Variants in PTPRD observed in about 807,000 individuals in gnomAD.
PTPRD encodes receptor-type tyrosine-protein phosphatase delta.
Under a neutral mutation model 214.5 loss-of-function variants are expected in PTPRD, and 34 were observed. The observed-to-expected ratio is 0.16, with a 90% CI of 0.12 to 0.21. The LOEUF (loss-of-function observed/expected upper bound fraction) is 0.21, where lower values mean the gene tolerates loss of function less well. Ranked by LOEUF, PTPRD falls within the 10% of genes least tolerant of loss-of-function variation. The pLI is 1.00. For synonymous variants in PTPRD, 1,128 were observed against 845.7 expected (o/e 1.33, Z -5.79); for missense variants, 2,545 against 2,398.7 (o/e 1.06, Z -1.27).
At chr9:9,372,998 T>A (rs764630818) in intron 9 of PTPRD, among the ~76,000 whole-genome samples, 6 of 152,118 alleles carry the variant, frequency 3.9e-5, no homozygotes, top group Non-Finnish European at 8.8e-5. Flanking sequence ...TCACAAAATA[T>A]GAAGACTTTC....
At chr9:8,353,624 G>A (rs150490269) in intron 39 of PTPRD, among the ~76,000 whole-genome samples, 5,093 of 151,750 alleles carry the variant, frequency 0.034, 316 homozygotes, top group African/African-American at 0.12. Flanking sequence ...AGTAGAGATG[G>A]GGTTTCACTA....
intron 9 of PTPRD, among the ~76,000 whole-genome samples, chr9:9,278,240 G>A (rs1010869107): frequency 6.6e-6 from 1 of 151,166 alleles, no homozygotes; most frequent in Non-Finnish European, 1.5e-5. Context: ...CAGAAATCTT[G>A]CAATTAGGTA....
chr9:10,012,746 GA>G (rs1192734947), intron 4 of PTPRD, among the ~76,000 whole-genome samples: 2 of 151,804 alleles, frequency 1.3e-5, no homozygotes, highest in Non-Finnish European at 2.9e-5. Flanking sequence ...TAGAAAAAAG[GA>G]AAACCCCGAG....
At position 8,708,089 on chromosome 9, in the gene PTPRD, AAGGG is replaced by A. The variant is rs550534545; in HGVS notation, c.64+25687_64+25690del. On this transcript the variant is annotated intron_variant, in intron 12 of 45. Transcript: ENST00000381196. ...TGCCTTCTAAGGCACCTCTGAAATA[AAGGG>A]GAAATCTCAATCCAACAAAAATGGA... Among the ~76,000 whole-genome samples the A allele has an allele frequency of 2.9e-3, 441 of 152,348 alleles. 2 individuals carry two copies. Among genetic ancestry groups the A allele is most frequent in the Admixed American group, 6.6e-3 (101 of 15,302 alleles).
chr9:10,353,172 C>G (rs2097210862), intron 2 of PTPRD, among the ~76,000 whole-genome samples: 1 of 151,990 alleles, frequency 6.6e-6, no homozygotes, highest in East Asian at 1.9e-4. Context: ...TAAATCACAA[C>G]TTTATATTTG....
intron 8 of PTPRD, among the ~76,000 whole-genome samples, chr9:9,462,102 T>C (rs1325636870): frequency 6.6e-6 from 1 of 152,166 alleles, no homozygotes; most frequent in Non-Finnish European, 1.5e-5. Context: ...ATATGTGATA[T>C]ATTGATCTGC....
intron 9 of PTPRD, among the ~76,000 whole-genome samples, chr9:9,385,215 T>C (rs574169011): frequency 2.6e-5 from 4 of 152,248 alleles, no homozygotes; most frequent in Non-Finnish European, 4.4e-5. Context: ...AATTTGGCAT[T>C]TTCACCTATA....
At chr9:10,243,111 A>C (rs912026360) in intron 3 of PTPRD, among the ~76,000 whole-genome samples, 3 of 152,032 alleles carry the variant, frequency 2.0e-5, no homozygotes, top group African/African-American at 7.2e-5. Context: ...TGGACAATTT[A>C]ACTGATCCCT....
intron 2 of PTPRD, among the ~76,000 whole-genome samples, chr9:10,554,152 C>T (rs1051792917): frequency 3.0e-4 from 45 of 152,274 alleles, no homozygotes; most frequent in African/African-American, 1.0e-3. Context: ...TAGTGTATAA[C>T]TCAACCCTTT....
chr9:10,543,477 T>TACACAC (rs370246328), intron 2 of PTPRD, among the ~76,000 whole-genome samples: 2,315 of 141,304 alleles, frequency 0.016, 22 homozygotes, highest in South Asian at 0.035. Context: ...AATATATATA[T>TACACAC]ATACACACAC....
At chr9:8,380,534 T>C (rs7045817) in intron 37 of PTPRD, among the ~76,000 whole-genome samples, 23,602 of 152,186 alleles carry the variant, frequency 0.16, 3,070 homozygotes, top group African/African-American at 0.36. Flanking sequence ...ACAAAGTTAT[T>C]ACCCTTAAGT....
intron 25 of PTPRD, among the ~76,000 whole-genome samples, chr9:8,498,148 C>G (rs928707618): frequency 1.3e-5 from 2 of 152,148 alleles, no homozygotes; most frequent in Non-Finnish European, 2.9e-5. Flanking sequence ...ATCCAGATCC[C>G]TTTACTTAGA....
rs541291496 is a variant in PTPRD at position 9,950,254 on chromosome 9, G to A, written c.-471-11644C>T. 3.2e-4 allele frequency among the ~76,000 whole-genome samples: 49 copies of A among 152,300 alleles called. 1 individual carries two copies. The highest frequency in any genetic ancestry group is 5.9e-4 in the Admixed American group (9 of 15,302). On this transcript the variant is annotated intron_variant, in intron 4 of 45. Coordinates refer to ENST00000381196, the MANE Select transcript of PTPRD (RefSeq NM_002839.4). ...CTCTGGGACTTCCATGTGACATCCA[G>A]ATGGGGATGCTGTGAATTCTTGTTT...
At chr9:9,183,654 C>G (rs2099929573) in intron 9 of PTPRD, among the ~76,000 whole-genome samples, 2 of 152,126 alleles carry the variant, frequency 1.3e-5, no homozygotes, top group African/African-American at 4.8e-5. Flanking sequence ...CATAAAATGG[C>G]TAAATTGCCT....
At chr9:10,465,872 G>C (rs1231140515) in intron 2 of PTPRD, among the ~76,000 whole-genome samples, 3 of 152,158 alleles carry the variant, frequency 2.0e-5, no homozygotes, top group Non-Finnish European at 4.4e-5. Context: ...TGTTTATACA[G>C]ATCCTAAATA....
rs537948307 is a variant in PTPRD at position 9,638,380 on chromosome 9, T to C, written c.-286-63599A>G. Among the ~76,000 whole-genome samples the C allele has an allele frequency of 1.3e-3, 194 of 152,340 alleles. 2 individuals are homozygous for C. The highest frequency in any genetic ancestry group is 8.5e-4 in the Non-Finnish European group (58 of 68,020). On this transcript the variant is annotated intron_variant, in intron 7 of 45. Coordinates refer to ENST00000381196, the MANE Select transcript of PTPRD (RefSeq NM_002839.4). ...CTGCCTTCCACAAAGTCCTAGGGCA[T>C]GGATATAATTCATCAAAGTTCTTTG...
intron 5 of PTPRD, among the ~76,000 whole-genome samples, chr9:9,799,150 G>A (rs1340612183): frequency 6.6e-6 from 1 of 152,062 alleles, no homozygotes; most frequent in African/African-American, 2.4e-5. Context: ...AAAAATAAAT[G>A]CAATTAACTT....
intron 8 of PTPRD, among the ~76,000 whole-genome samples, chr9:9,569,069 T>G (rs2085502761): frequency 6.6e-6 from 1 of 151,772 alleles, no homozygotes; most frequent in Non-Finnish European, 1.5e-5. Flanking sequence ...TGCTAGGTAA[T>G]GGCCATTATA....
chr9:9,732,199 T>C (rs1343238396), intron 7 of PTPRD, among the ~76,000 whole-genome samples: 1 of 152,022 alleles, frequency 6.6e-6, no homozygotes, highest in African/African-American at 2.4e-5. Context: ...GGGAGAAAAC[T>C]GAACAACCTT....
Sources: allele counts gnomAD v4.1 joint callset (sites outside exome capture counted in the v4.1 genomes callset), GRCh38; gene constraint gnomAD v4.1.1; transcripts MANE v1.5; gene names NCBI Gene and HGNC (gene_info 2026-07-23, HGNC 2026-07-21).